The following PTPRD variants were observed in gnomAD, a reference collection of about 807,000 sequenced individuals.
PTPRD encodes the protein receptor-type tyrosine-protein phosphatase delta.
A neutral mutation model predicts 214.5 loss-of-function variants in PTPRD; 34 were observed. That is an observed-to-expected ratio of 0.16 (90% CI 0.12 to 0.21). PTPRD has a LOEUF of 0.21. PTPRD is among the 10% of genes least tolerant of loss of function. The pLI, the probability that PTPRD is intolerant of heterozygous loss-of-function variation, is 1.00. For synonymous variants in PTPRD, 1,128 were observed against 845.7 expected, an observed-to-expected ratio of 1.33 and a Z score of -5.79; for missense variants, 2,545 against 2,398.7, an observed-to-expected ratio of 1.06 and a Z score of -1.27.
At position 9,075,778 on chromosome 9, in the gene PTPRD, T is replaced by A. The variant is rs532822532; in HGVS notation, c.-142-57043A>T. 6.6e-5 allele frequency among the ~76,000 whole-genome samples: 10 copies of A among 152,314 alleles called. No homozygotes were observed. In the East Asian group the frequency reaches 1.9e-3, roughly 29 times the overall value. ...TGGCTGCATAGTATTCCATGATGTA[T>A]ATGTGCCACATTTTCTTAATTCAGT... is the stretch of plus-strand genomic sequence containing the variant. On this transcript the variant is annotated intron_variant, in intron 10 of 45. Transcript: ENST00000381196.
At chr9:9,819,543 A>T (rs1485124498) in intron 5 of PTPRD, among the ~76,000 whole-genome samples, 1 of 152,126 alleles carries the variant, frequency 6.6e-6, no homozygotes, top group African/African-American at 2.4e-5. Flanking sequence ...CATAGGGTAC[A>T]TGTGCAGGTT....
At chr9:8,382,114 T>C (rs887195707) in intron 37 of PTPRD, among the ~76,000 whole-genome samples, 19 of 152,192 alleles carry the variant, frequency 1.2e-4, no homozygotes, top group Non-Finnish European at 2.5e-4. Context: ...AACAGTATCA[T>C]TAGATGACTC....
At chr9:10,398,647 T>C (rs931544433) in intron 2 of PTPRD, among the ~76,000 whole-genome samples, 5 of 151,990 alleles carry the variant, frequency 3.3e-5, no homozygotes, top group African/African-American at 9.7e-5. Flanking sequence ...TAAAAATATA[T>C]TTCCAACTAA....
At chr9:8,551,435 G>A (rs779558212) in intron 14 of PTPRD, among the ~76,000 whole-genome samples, 1 of 152,086 alleles carries the variant, frequency 6.6e-6, no homozygotes, top group African/African-American at 2.4e-5. Flanking sequence ...TTATAGATAA[G>A]AGAGTATATG....
At chr9:8,457,664 A>G (rs2133985183) in intron 33 of PTPRD, among the ~76,000 whole-genome samples, 1 of 152,228 alleles carries the variant, frequency 6.6e-6, no homozygotes, top group South Asian at 2.1e-4. Flanking sequence ...ACCTATTGCT[A>G]ATGCTAGCAT....
At chr9:10,155,444 T>C (rs557171037) in intron 3 of PTPRD, among the ~76,000 whole-genome samples, 2 of 152,296 alleles carry the variant, frequency 1.3e-5, no homozygotes, top group South Asian at 4.1e-4. Context: ...TTTATTTCTT[T>C]CTCTTGCCTG....
chr9:9,284,977 A>G (rs1948902060), intron 9 of PTPRD, among the ~76,000 whole-genome samples: 2 of 151,804 alleles, frequency 1.3e-5, no homozygotes, highest in African/African-American at 4.8e-5. Flanking sequence ...ACATAGAACA[A>G]TATCTACCAA....
chr9:9,980,204 C>A (rs986639267), intron 4 of PTPRD, among the ~76,000 whole-genome samples: 1 of 151,820 alleles, frequency 6.6e-6, no homozygotes, highest in Non-Finnish European at 1.5e-5. Context: ...TAACAGATTA[C>A]CGTAGTAGAA....
chr9:10,214,385 T>C (rs1456917466), intron 3 of PTPRD, among the ~76,000 whole-genome samples: 1 of 151,718 alleles, frequency 6.6e-6, no homozygotes, highest in African/African-American at 2.4e-5. Flanking sequence ...CAAGTGATTC[T>C]CCTGCCTCTG....
At chr9:10,440,578 C>T (rs2098752016) in intron 2 of PTPRD, among the ~76,000 whole-genome samples, 2 of 151,506 alleles carry the variant, frequency 1.3e-5, no homozygotes, top group African/African-American at 4.8e-5. Flanking sequence ...ACAGCAGAGG[C>T]GCTGGTGAGA....
At chr9:10,595,238 T>A (rs1456692859) in intron 2 of PTPRD, among the ~76,000 whole-genome samples, 1 of 151,858 alleles carries the variant, frequency 6.6e-6, no homozygotes, top group African/African-American at 2.4e-5. Context: ...ATGTAAAGAA[T>A]TTTTTTAGTG....
chr9:10,087,206 C>G (rs573751264), intron 3 of PTPRD, among the ~76,000 whole-genome samples: 89 of 150,826 alleles, frequency 5.9e-4, no homozygotes, highest in African/African-American at 1.7e-3. Context: ...AAAAGTTACA[C>G]TTTTCTTAAA....
chr9:8,596,185 A>G (rs750359145), intron 14 of PTPRD, among the ~76,000 whole-genome samples: 2 of 152,132 alleles, frequency 1.3e-5, no homozygotes, highest in African/African-American at 2.4e-5. Flanking sequence ...AAAAAATAAT[A>G]TAGTATTTTG....
At chr9:8,617,717 ACT>A (rs917499150) in intron 14 of PTPRD, among the ~76,000 whole-genome samples, 23 of 151,994 alleles carry the variant, frequency 1.5e-4, no homozygotes, top group African/African-American at 5.3e-4. Context: ...TTAAAATGAA[ACT>A]CTTGAGTAGA....
chr9:8,417,640 A>G (rs943946676), intron 35 of PTPRD, among the ~76,000 whole-genome samples: 3 of 152,186 alleles, frequency 2.0e-5, no homozygotes, highest in African/African-American at 7.2e-5. Flanking sequence ...CTGAACACAG[A>G]AAAAGTATAG....
At chr9:9,844,716 T>G (rs979036280) in intron 5 of PTPRD, among the ~76,000 whole-genome samples, 2 of 151,890 alleles carry the variant, frequency 1.3e-5, no homozygotes, top group East Asian at 3.9e-4. Flanking sequence ...TATAAATAAA[T>G]CTCATTAACT....
intron 2 of PTPRD, among the ~76,000 whole-genome samples, chr9:10,463,784 G>A (rs986535096): frequency 3.7e-4 from 57 of 152,190 alleles, no homozygotes; most frequent in Middle Eastern, 3.4e-3. Flanking sequence ...AAAAAGAGGT[G>A]TGATCCAAGA....
intron 11 of PTPRD, among the ~76,000 whole-genome samples, chr9:8,779,783 T>C (rs1431381414): frequency 2.0e-5 from 3 of 151,796 alleles, no homozygotes; most frequent in Non-Finnish European, 4.4e-5. Flanking sequence ...AGAAGGCATA[T>C]TTGCTCACAC....
intron 7 of PTPRD, among the ~76,000 whole-genome samples, chr9:9,644,624 C>A (rs1039718619): frequency 6.6e-6 from 1 of 152,134 alleles, no homozygotes; most frequent in African/African-American, 2.4e-5. Context: ...GAGGGAGGTT[C>A]CCCAGCAAAG....
Sources: allele counts gnomAD v4.1 joint callset (sites outside exome capture counted in the v4.1 genomes callset), GRCh38; gene constraint gnomAD v4.1.1; transcripts MANE v1.5; gene names NCBI Gene and HGNC (gene_info 2026-07-23, HGNC 2026-07-21).